Variants in CNTN1 observed in about 807,000 individuals in gnomAD.
CNTN1 encodes contactin-1.
In CNTN1, 38 loss-of-function variants were observed where a neutral mutation model predicts 126.4. The observed-to-expected ratio is 0.30, with a 90% CI of 0.23 to 0.39. The LOEUF (loss-of-function observed/expected upper bound fraction) is 0.39. Among genes scored for constraint, CNTN1 ranks in the 10% least tolerant of loss-of-function variants. The probability of loss-of-function intolerance (pLI) is 1.00; values close to 1 mark genes in which losing one functional copy is unlikely to be tolerated. For synonymous variants in CNTN1, 413 were observed against 422.6 expected (o/e 0.98, Z 0.28); for missense variants, 1,009 against 1,248.4 (o/e 0.81, Z 2.89).
Position 41,070,034 on chromosome 12 carries a change from G to A in CNTN1, c.3056G>A (p.Ter1019=). ...GGCATCCTTGTCTACTTGGAATTCTGAATGTGTTGTGACAGCTGCTGTTCC... is the reference window on the plus strand; with the variant it reads ...GGCATCCTTGTCTACTTGGAATTCTAAATGTGTTGTGACAGCTGCTGTTCC... ...AFGILVYLEF[*] The change falls in exon 24 of 24, where the codon TGA becomes TAA. Residue 1019 remains the stop codon, a stop_retained_variant. Coordinates refer to ENST00000551295, the MANE Select transcript of CNTN1 (RefSeq NM_001843.4). The A allele has an allele frequency of 6.2e-7, 1 of 1,613,734 alleles. No homozygotes were observed. Among genetic ancestry groups the A allele is most frequent in the Non-Finnish European group, 8.5e-7 (1 of 1,179,770 alleles).
chr12:40,716,224 C>CTATCTCTGTG (rs1942043040), intron 1 of CNTN1, among the ~76,000 whole-genome samples: 1 of 151,752 alleles, frequency 6.6e-6, no homozygotes, highest in Non-Finnish European at 1.5e-5. Flanking sequence ...TTCCTTCTCT[C>CTATCTCTGTG]TCTCTCTGTG....
chr12:41,017,829 C>CGTGA (rs1948815310), intron 19 of CNTN1, among the ~76,000 whole-genome samples: 1 of 151,702 alleles, frequency 6.6e-6, no homozygotes, highest in South Asian at 2.1e-4. Context: ...TGGTGGCTCA[C>CGTGA]GCCTGTAATC....
At position 40,965,571 on chromosome 12, in the gene CNTN1, G is replaced by T. The variant is rs185845496; in HGVS notation, c.1804+6337G>T. 5.3e-5 allele frequency among the ~76,000 whole-genome samples: 8 copies of T among 152,118 alleles called. No homozygotes were observed. The East Asian group carries it at 1.5e-3, about 29-fold the overall frequency. ...CAAAATATATAATTTTTAAAACATTGTAGGAAAAATAAAGCCAAAGACATG... is the reference window on the plus strand; with the variant it reads ...CAAAATATATAATTTTTAAAACATTTTAGGAAAAATAAAGCCAAAGACATG... On this transcript the variant is annotated intron_variant, in intron 15 of 23. Transcript: ENST00000551295.
At chr12:40,836,598 C>A (rs1942068866) in intron 1 of CNTN1, among the ~76,000 whole-genome samples, 1 of 152,002 alleles carries the variant, frequency 6.6e-6, no homozygotes, top group South Asian at 2.1e-4. Flanking sequence ...ATAAATTGGG[C>A]TCTAACCAAA....
intron 1 of CNTN1, among the ~76,000 whole-genome samples, chr12:40,801,010 G>GGTTTT (rs777712016): frequency 7.0e-6 from 1 of 142,728 alleles, no homozygotes; most frequent in African/African-American, 2.6e-5. Context: ...TCAAACTAGA[G>GGTTTT]TTTTGTTTTT....
At chr12:40,809,350 CA>C (rs955075480) in intron 1 of CNTN1, among the ~76,000 whole-genome samples, 1 of 152,058 alleles carries the variant, frequency 6.6e-6, no homozygotes, top group African/African-American at 2.4e-5. Flanking sequence ...GAATGTTTTA[CA>C]AAATAACTTG....
chr12:40,738,366 AGT>A (rs1937786195), intron 1 of CNTN1, among the ~76,000 whole-genome samples: 1 of 152,108 alleles, frequency 6.6e-6, no homozygotes, highest in African/African-American at 2.4e-5. Flanking sequence ...AATAAAATCA[AGT>A]CCATTAGAAT....
chr12:40,933,983 G>A, intron 9 of CNTN1, 105 bp downstream of exon 9: 3 of 837,242 alleles, frequency 3.6e-6, no homozygotes, highest in Non-Finnish European at 5.9e-6. Context: ...TTTAAAAACA[G>A]TGATGCATGT....
chr12:41,035,550 A>G (rs55754141), intron 23 of CNTN1, among the ~76,000 whole-genome samples: 1,637 of 152,312 alleles, frequency 0.011, 8 homozygotes, highest in Middle Eastern at 0.024. Context: ...AGAACCAACA[A>G]ACAAATAATA....
chr12:40,935,295 A>G (rs1460433537), intron 9 of CNTN1, among the ~76,000 whole-genome samples: 1 of 152,076 alleles, frequency 6.6e-6, no homozygotes, highest in Non-Finnish European at 1.5e-5. Context: ...AGGTTTCTAA[A>G]GCTTATAGAC....
chr12:40,793,604 A>G (rs1023354562), intron 1 of CNTN1, among the ~76,000 whole-genome samples: 1 of 151,980 alleles, frequency 6.6e-6, no homozygotes, highest in African/African-American at 2.4e-5. Context: ...ATTATGCCTT[A>G]CTCTAGCATT....
intron 1 of CNTN1, among the ~76,000 whole-genome samples, chr12:40,698,227 A>ATTTT (rs1941499858): frequency 1.1e-5 from 1 of 87,626 alleles, no homozygotes; most frequent in African/African-American, 4.4e-5. Flanking sequence ...CCAGCCACTT[A>ATTTT]ATTTTTTTTT....
At chr12:40,873,155 C>G (rs1943561785) in intron 1 of CNTN1, among the ~76,000 whole-genome samples, 1 of 151,990 alleles carries the variant, frequency 6.6e-6, no homozygotes, top group South Asian at 2.1e-4. Context: ...ATAATGAAGA[C>G]AGAGAGGCAT....
chr12:40,826,717 G>A (rs894014357), intron 1 of CNTN1, among the ~76,000 whole-genome samples: 1 of 152,156 alleles, frequency 6.6e-6, no homozygotes, highest in Non-Finnish European at 1.5e-5. Flanking sequence ...ACCACCAAGG[G>A]TGAACACCTC....
chr12:40,977,594 G>A (rs887646533), intron 15 of CNTN1, among the ~76,000 whole-genome samples: 9 of 152,144 alleles, frequency 5.9e-5, no homozygotes, highest in Non-Finnish European at 1.2e-4. Context: ...TGGAATGACT[G>A]ACAAAGTACT....
intron 17 of CNTN1, among the ~76,000 whole-genome samples, chr12:41,000,395 A>G (rs1373737754): frequency 6.6e-6 from 1 of 152,140 alleles, no homozygotes; most frequent in Non-Finnish European, 1.5e-5. Context: ...TATAGCATGA[A>G]AAGTTTTAAC....
At chr12:40,954,364 A>G (rs1744265835) in intron 14 of CNTN1, among the ~76,000 whole-genome samples, 1 of 151,936 alleles carries the variant, frequency 6.6e-6, no homozygotes, top group Non-Finnish European at 1.5e-5. Context: ...TAATTATTTT[A>G]TATTTTATTT....
At chr12:40,694,351 T>C (rs1448213579) in intron 1 of CNTN1, among the ~76,000 whole-genome samples, 7 of 152,250 alleles carry the variant, frequency 4.6e-5, no homozygotes, top group Non-Finnish European at 1.0e-4. Flanking sequence ...TATGTGCATT[T>C]ATCTTTGCCA....
chr12:40,960,544 TC>T (rs1016128593), intron 15 of CNTN1, among the ~76,000 whole-genome samples: 5 of 152,102 alleles, frequency 3.3e-5, no homozygotes, highest in Non-Finnish European at 7.4e-5. Flanking sequence ...TGCTGAAAAC[TC>T]TTCTACTCCA....
Sources: gnomAD v4.1 joint callset for allele counts (sites outside exome capture counted in the v4.1 genomes callset) on GRCh38, gnomAD v4.1.1 for gene constraint, MANE v1.5 for transcripts, NCBI Gene and HGNC (gene_info 2026-07-23, HGNC 2026-07-21) for gene names.